The following UGT1A8 variants were observed in gnomAD, a reference collection of about 807,000 sequenced individuals.
UGT1A8 encodes UDP-glucuronosyltransferase 1A8.
UGT1A8 carries 39 observed loss-of-function variants against 45.3 expected under a neutral mutation model. That is an observed-to-expected ratio of 0.86 (90% CI 0.67 to 1.12). The LOEUF (loss-of-function observed/expected upper bound fraction) is 1.12. Among genes scored for constraint, UGT1A8 ranks in the 50% most tolerant of loss-of-function variants. The probability of loss-of-function intolerance (pLI) is 0.00; values close to 1 mark genes in which losing one functional copy is unlikely to be tolerated. For synonymous variants in UGT1A8, 275 were observed against 249.2 expected, an observed-to-expected ratio of 1.10 and a Z score of -0.97; for missense variants, 719 against 664.9, an observed-to-expected ratio of 1.08 and a Z score of -0.90.
intron 1 of UGT1A8, among the ~76,000 whole-genome samples, chr2:233,762,910 G>A (rs1185953158): frequency 1.3e-5 from 2 of 152,074 alleles, no homozygotes; most frequent in Non-Finnish European, 2.9e-5. Flanking sequence ...CAGGGCTATT[G>A]AATTTATTAG....
chr2:233,636,070 C>T (rs908263306), intron 1 of UGT1A8, among the ~76,000 whole-genome samples: 5 of 150,940 alleles, frequency 3.3e-5, no homozygotes, highest in African/African-American at 1.2e-4. Context: ...AAGAGCCTTG[C>T]TGTCTTTCCC....
intron 1 of UGT1A8, among the ~76,000 whole-genome samples, chr2:233,666,620 TTTTG>T (rs142679002): frequency 0.012 from 1,820 of 152,216 alleles, 16 homozygotes; most frequent in Admixed American, 0.02. Flanking sequence ...AGTAAACTCT[TTTTG>T]TTTGTTTGTT....
chr2:233,640,025 G>T (rs921854744), intron 1 of UGT1A8, among the ~76,000 whole-genome samples: 2 of 152,190 alleles, frequency 1.3e-5, no homozygotes, highest in East Asian at 1.9e-4. Context: ...CATGGTAGGT[G>T]CAGCTCTGCA....
rs1248862284 is a variant in UGT1A8, at chr2:233,768,128, C to G, written c.1076-92C>G. On this transcript the variant is annotated intron_variant, in intron 3 of 4. Transcript: ENST00000373450. ...TTTCTGCAAGGGCATGTGAGTAACA[C>G]TGAGTCTTTGGAGTGTTTTCAGAAC... 5 of 1,605,354 alleles carry G rather than the reference C, an allele frequency of 3.1e-6. No homozygotes were observed. In the East Asian group the frequency reaches 1.1e-4, roughly 36 times the overall value.
At chr2:233,734,641 G>A (rs777455810) in intron 1 of UGT1A8, among the ~76,000 whole-genome samples, 2 of 152,096 alleles carry the variant, frequency 1.3e-5, no homozygotes, top group Non-Finnish European at 2.9e-5. Flanking sequence ...GCTTTCTCCT[G>A]TGGGGATTTA....
chr2:233,693,414 ACTT>A (rs749598599), intron 1 of UGT1A8: 2 of 1,614,132 alleles, frequency 1.2e-6, no homozygotes, highest in East Asian at 4.5e-5. Context: ...GACACCCTGA[ACTT>A]CTTTAAGGAG....
intron 1 of UGT1A8, among the ~76,000 whole-genome samples, chr2:233,688,515 C>A (rs953054685): frequency 6.6e-6 from 1 of 152,002 alleles, no homozygotes; most frequent in South Asian, 2.1e-4. Context: ...CAGTGAAATG[C>A]GCCTAGAGTG....
chr2:233,691,636 G>A, intron 1 of UGT1A8: 2 of 985,552 alleles, frequency 2.0e-6, no homozygotes, highest in Non-Finnish European at 2.4e-6. Flanking sequence ...TGGTTAGCAG[G>A]CAGGGCCAGT....
At chr2:233,644,896 G>A (rs770212066) in intron 1 of UGT1A8, among the ~76,000 whole-genome samples, 1 of 152,088 alleles carries the variant, frequency 6.6e-6, no homozygotes, top group Non-Finnish European at 1.5e-5. Flanking sequence ...TGCTAACTTG[G>A]TGTCTTCTCT....
intron 1 of UGT1A8, among the ~76,000 whole-genome samples, chr2:233,736,737 CCTTT>C (rs2125803115): frequency 6.6e-6 from 1 of 152,240 alleles, no homozygotes; most frequent in Non-Finnish European, 1.5e-5. Flanking sequence ...TTATGCTGTT[CCTTT>C]CTGTTTGTTA....
intron 1 of UGT1A8, chr2:233,693,818 G>C (rs766165182): frequency 2.5e-6 from 4 of 1,614,200 alleles, no homozygotes; most frequent in Non-Finnish European, 3.4e-6. Flanking sequence ...GCCCAACATG[G>C]TCTTCATTGG....
intron 1 of UGT1A8, among the ~76,000 whole-genome samples, chr2:233,694,945 T>C (rs1470769009): frequency 1.3e-5 from 2 of 152,242 alleles, no homozygotes; most frequent in Non-Finnish European, 2.9e-5. Context: ...GTAATTGAGA[T>C]ATCCATCACC....
At chr2:233,628,993 C>T (rs375003422) in intron 1 of UGT1A8, among the ~76,000 whole-genome samples, 1 of 152,158 alleles carries the variant, frequency 6.6e-6, no homozygotes, top group East Asian at 1.9e-4. Context: ...ATCTTCATCA[C>T]TTTAGGTGCA....
Position 233,769,629 on chromosome 2 carries a change from CAG to C in UGT1A8, c.1295+1191_1295+1192del, listed in dbSNP as rs1699910145. On this transcript the variant is annotated intron_variant, in intron 4 of 4. Transcript: ENST00000373450. The surrounding 1 kb of genome is among the most constrained non-coding windows in gnomAD (Gnocchi z 4.4). ...ACACACCAGCTTGAGCAAGGGACAA[CAG>C]GGGAGGACTGATGACTGACTTCCCA... 1.2e-6 allele frequency: 2 copies of C among 1,611,730 alleles called. No homozygotes were observed.
chr2:233,648,682 T>G, intron 1 of UGT1A8: 1 of 350,720 alleles, frequency 2.9e-6, no homozygotes, highest in Non-Finnish European at 5.5e-6. Context: ...GCCAGGATGG[T>G]CTCGATCTCC....
chr2:233,743,245 C>T, intron 1 of UGT1A8: 3 of 429,418 alleles, frequency 7.0e-6, no homozygotes, highest in Admixed American at 3.0e-5. Context: ...AGGACTTTAA[C>T]TCAACTCTCC....
chr2:233,665,649 C>G (rs1233220447), intron 1 of UGT1A8, among the ~76,000 whole-genome samples: 2 of 152,154 alleles, frequency 1.3e-5, no homozygotes, highest in Non-Finnish European at 2.9e-5. Flanking sequence ...TAAGGGCAGG[C>G]CCTTTGCTAT....
At chr2:233,756,673 G>C (rs542273174) in intron 1 of UGT1A8, among the ~76,000 whole-genome samples, 32 of 152,264 alleles carry the variant, frequency 2.1e-4, no homozygotes, top group South Asian at 1.0e-3. Context: ...ATTTCCGCTA[G>C]AACTGCTATA....
intron 1 of UGT1A8, among the ~76,000 whole-genome samples, chr2:233,764,973 G>C (rs553153469): frequency 6.6e-6 from 1 of 152,178 alleles, no homozygotes; most frequent in African/African-American, 2.4e-5. Context: ...GGAGAAGGAT[G>C]GTCAGTGTCT....
Sources: allele counts gnomAD v4.1 joint callset (sites outside exome capture counted in the v4.1 genomes callset), GRCh38; gene constraint gnomAD v4.1.1; non-coding constraint Gnocchi (gnomAD v3.1); transcripts MANE v1.5; gene names NCBI Gene and HGNC (gene_info 2026-07-23, HGNC 2026-07-21).